The following CLASP1 variants were observed in gnomAD, a reference collection of about 807,000 sequenced individuals.
The protein encoded by CLASP1 is CLIP-associating protein 1.
CLASP1 carries 38 observed loss-of-function variants against 192.3 expected under a neutral mutation model. The observed-to-expected ratio is 0.20, with a 90% CI of 0.15 to 0.26. The LOEUF is 0.26. CLASP1 is among the 10% of genes least tolerant of loss of function. The pLI is 1.00. For synonymous variants in CLASP1, 691 were observed against 712.8 expected (o/e 0.97, Z 0.49); for missense variants, 1,433 against 1,932.5 (o/e 0.74, Z 4.85).
intron 1 of CLASP1, among the ~76,000 whole-genome samples, chr2:121,637,636 A>G (rs557690564): frequency 6.6e-6 from 1 of 152,326 alleles, no homozygotes; most frequent in Non-Finnish European, 1.5e-5. Flanking sequence ...GATTATAGGC[A>G]GCACTTTGGG....
chr2:121,465,066 C>A (rs182006353), intron 9 of CLASP1, among the ~76,000 whole-genome samples: 1 of 152,276 alleles, frequency 6.6e-6, no homozygotes, highest in Non-Finnish European at 1.5e-5. Context: ...CAATATCATG[C>A]TGAATGGGCA....
chr2:121,437,940 C>T (rs1421508435), intron 19 of CLASP1, among the ~76,000 whole-genome samples: 1 of 152,182 alleles, frequency 6.6e-6, no homozygotes, highest in Non-Finnish European at 1.5e-5. Context: ...GAGGATTATT[C>T]TGGCTACTAA....
chr2:121,459,968 C>A lies in CLASP1; in HGVS notation c.1178+12G>T, dbSNP rs541914680. On this transcript the variant is annotated intron_variant, in intron 12 of 39. Coordinates refer to ENST00000263710, the Ensembl canonical transcript of CLASP1. ...ATTTTATGGTGAGAATATGGAGCAT[C>A]GCAGTCCTTACCCCAACGTGATACA... 1 of 1,608,264 alleles carries A rather than the reference C, an allele frequency of 6.2e-7. No homozygotes were observed.
At chr2:121,595,429 G>GTTAGGGA (rs1406212188) in intron 2 of CLASP1, among the ~76,000 whole-genome samples, 1 of 152,190 alleles carries the variant, frequency 6.6e-6, no homozygotes, top group Non-Finnish European at 1.5e-5. Context: ...TAGCCTCATT[G>GTTAGGGA]TTAGGTCCAC....
intron 39 of CLASP1, among the ~76,000 whole-genome samples, chr2:121,344,996 A>G (rs1198214846): frequency 1.3e-5 from 2 of 152,176 alleles, no homozygotes. Context: ...CGTGTTGACT[A>G]AAAATACAAA....
chr2:121,488,176 A>G (rs1380118010), intron 8 of CLASP1, among the ~76,000 whole-genome samples: 1 of 152,206 alleles, frequency 6.6e-6, no homozygotes, highest in African/African-American at 2.4e-5. Context: ...AGATCTTAGG[A>G]TACATTTAAT....
intron 2 of CLASP1, among the ~76,000 whole-genome samples, chr2:121,533,844 C>T (rs1386315671): frequency 6.6e-6 from 1 of 152,138 alleles, no homozygotes; most frequent in Non-Finnish European, 1.5e-5. Flanking sequence ...GCTGGGTACA[C>T]GGTAGGTGAT....
At chr2:121,394,565 G>A (rs113255152) in intron 30 of CLASP1, among the ~76,000 whole-genome samples, 237 of 152,330 alleles carry the variant, frequency 1.6e-3, no homozygotes, top group African/African-American at 5.4e-3. Flanking sequence ...TAGATGTTAT[G>A]TGTCTAGGTG....
intron 7 of CLASP1, among the ~76,000 whole-genome samples, chr2:121,506,809 C>A (rs2093961310): frequency 6.6e-6 from 1 of 152,288 alleles, no homozygotes; most frequent in African/African-American, 2.4e-5. Flanking sequence ...AATCTCTGTT[C>A]AATCATTAGC....
intron 8 of CLASP1, among the ~76,000 whole-genome samples, chr2:121,476,601 A>C (rs2091645397): frequency 6.6e-6 from 1 of 152,198 alleles, no homozygotes; most frequent in South Asian, 2.1e-4. Flanking sequence ...CCAGAACCTA[A>C]ACTACAAAGC....
intron 2 of CLASP1, among the ~76,000 whole-genome samples, chr2:121,583,083 G>A (rs987442835): frequency 1.3e-5 from 2 of 152,168 alleles, no homozygotes; most frequent in Admixed American, 6.5e-5. Context: ...ACCGTGCCCA[G>A]CCAAAGGTGT....
At chr2:121,621,168 C>T (rs961262700) in intron 1 of CLASP1, among the ~76,000 whole-genome samples, 7 of 152,072 alleles carry the variant, frequency 4.6e-5, no homozygotes, top group Admixed American at 2.0e-4. Flanking sequence ...CTGCAGTGAG[C>T]TGCGATCCCC....
At chr2:121,539,513 G>A (rs1470023599) in intron 2 of CLASP1, among the ~76,000 whole-genome samples, 5 of 152,132 alleles carry the variant, frequency 3.3e-5, no homozygotes, top group Admixed American at 1.3e-4. Flanking sequence ...ATAGATAAAC[G>A]TGCAGAAAGC....
At chr2:121,500,393 A>C (rs936699703) in intron 8 of CLASP1, among the ~76,000 whole-genome samples, 32 of 145,674 alleles carry the variant, frequency 2.2e-4, no homozygotes, top group African/African-American at 7.7e-4. Context: ...AGAAAGAAAG[A>C]AAGAAAAGAA....
intron 1 of CLASP1, among the ~76,000 whole-genome samples, chr2:121,648,293 T>A (rs2073554991): frequency 6.6e-6 from 1 of 152,192 alleles, no homozygotes; most frequent in Non-Finnish European, 1.5e-5. Context: ...AAACTATTTC[T>A]CGCTTCTGAC....
At chr2:121,531,025 T>G (rs528452342) in intron 2 of CLASP1, 2 of 700,062 alleles carry the variant, frequency 2.9e-6, no homozygotes, top group East Asian at 2.7e-5. Context: ...CCTGTTTTCA[T>G]AGACTTATCA....
At position 121,427,396 on chromosome 2, in the gene CLASP1, TG is replaced by T; in HGVS notation, c.2044+7del. 1.2e-6 allele frequency: 2 copies of T among 1,612,322 alleles called. No homozygotes were observed. Among genetic ancestry groups the T allele is most frequent in the Non-Finnish European group, 1.7e-6 (2 of 1,179,340 alleles). ...CAACAAAAAAAGGCAAGAAGAGAAATGGCTTACCACCAGCAGGATTAGCAGA... is the reference window on the plus strand; with the variant it reads ...CAACAAAAAAAGGCAAGAAGAGAAATGCTTACCACCAGCAGGATTAGCAGA... On this transcript the variant is annotated splice_region_variant and intron_variant, in intron 21 of 39. Coordinates refer to ENST00000263710, the Ensembl canonical transcript of CLASP1.
intron 11 of CLASP1, among the ~76,000 whole-genome samples, chr2:121,460,501 T>C (rs564639589): frequency 1.3e-5 from 2 of 152,280 alleles, no homozygotes; most frequent in East Asian, 3.9e-4. Context: ...TCAACTGCCA[T>C]TTATTTAAGA....
intron 2 of CLASP1, among the ~76,000 whole-genome samples, chr2:121,572,500 G>A (rs1000286266): frequency 8.6e-5 from 13 of 152,038 alleles, no homozygotes; most frequent in African/African-American, 3.1e-4. Context: ...CTTAAGGGTG[G>A]GGGGGACAAA....
Sources: gnomAD v4.1 joint callset for allele counts (sites outside exome capture counted in the v4.1 genomes callset) on GRCh38, gnomAD v4.1.1 for gene constraint, MANE v1.5 for transcripts, NCBI Gene and HGNC (gene_info 2026-07-23, HGNC 2026-07-21) for gene names.